HTRA1: variants seen among roughly 807,000 people sequenced by gnomAD.
HTRA1 encodes the protein serine protease HTRA1.
HTRA1 carries 26 observed loss-of-function variants against 49.7 expected under a neutral mutation model. That is an observed-to-expected ratio of 0.52 (90% CI 0.38 to 0.73). The LOEUF (loss-of-function observed/expected upper bound fraction) is 0.73, where lower values mean the gene tolerates loss of function less well. Among genes scored for constraint, HTRA1 ranks in the 30% least tolerant of loss-of-function variants. HTRA1 has a pLI of 0.00. For synonymous variants in HTRA1, 291 were observed against 286.9 expected, an observed-to-expected ratio of 1.01 and a Z score of -0.14; for missense variants, 561 against 667.2, an observed-to-expected ratio of 0.84 and a Z score of 1.75.
intron 1 of HTRA1, among the ~76,000 whole-genome samples, chr10:122,463,327 C>A (rs759196166): frequency 6.6e-6 from 1 of 152,160 alleles, no homozygotes; most frequent in Non-Finnish European, 1.5e-5. Flanking sequence ...GGAGCACAGC[C>A]CTCGGGAAAC....
intron 3 of HTRA1, among the ~76,000 whole-genome samples, chr10:122,498,692 C>T (rs925245711): frequency 1.3e-5 from 2 of 152,246 alleles, no homozygotes; most frequent in African/African-American, 2.4e-5. Flanking sequence ...GGTCCACCAC[C>T]TCCCTGTCTG....
In HTRA1 at chr10:122,480,348, G is replaced by A. The variant is rs2097490456; in HGVS notation, c.473-8554G>A. 2.0e-5 allele frequency among the ~76,000 whole-genome samples: 3 copies of A among 152,180 alleles called. No homozygotes were observed. The South Asian group carries it at 6.3e-4, about 32-fold the overall frequency. The stretch of plus-strand genomic sequence containing the variant: ...CAGTTGCCACATCAGGGCGGGCGAG[G>A]GCAGGAAGCTCTGCAGGGAGAAGGG... On this transcript the variant is annotated intron_variant, in intron 1 of 8. Coordinates refer to ENST00000368984, the MANE Select transcript of HTRA1 (RefSeq NM_002775.5).
At chr10:122,488,121 C>T (rs1185511655) in intron 1 of HTRA1, among the ~76,000 whole-genome samples, 1 of 152,044 alleles carries the variant, frequency 6.6e-6, no homozygotes, top group Non-Finnish European at 1.5e-5. Context: ...CGTGTTTCTT[C>T]GTAATAATCT....
At position 122,509,024 on chromosome 10, in the gene HTRA1, G is replaced by C. The variant is rs2736925; in HGVS notation, c.1120+254G>C. On this transcript the variant is annotated intron_variant, in intron 6 of 8. Transcript: ENST00000368984. ...TACCAGGCATGATCCTAGGTGACTT[G>C]TGTACATTATTTCACTTTCTTTATG... Among the ~76,000 whole-genome samples the C allele has an allele frequency of 0.93, 142,145 of 152,288 alleles. 66,395 individuals are homozygous for C. The highest frequency in any genetic ancestry group is 1 in the East Asian group (5,179 of 5,184).
At chr10:122,510,009 C>A in intron 6 of HTRA1, 87 bp from the exon 7 acceptor site, 6 of 1,144,224 alleles carry the variant, frequency 5.2e-6, no homozygotes, top group Non-Finnish European at 6.6e-6. Context: ...TTCCTGCAAC[C>A]TGGGGGATTG....
chr10:122,473,423 G>T (rs923055535), intron 1 of HTRA1, among the ~76,000 whole-genome samples: 3 of 152,192 alleles, frequency 2.0e-5, no homozygotes, highest in African/African-American at 7.2e-5. Context: ...AGGCCAGACT[G>T]ATTTGGTCTG....
At position 122,494,715 on chromosome 10, in the gene HTRA1, G is replaced by A. The variant is rs1356519251; in HGVS notation, c.777+5089G>A. The stretch of plus-strand genomic sequence containing the variant: ...CAGACCTGTTTGAAGTGGCCACAGA[G>A]GGAGCCCTCTGGGCGCTGGGGCCGC... On this transcript the variant is annotated intron_variant, in intron 3 of 8. Transcript: ENST00000368984. The surrounding 1 kb of genome is among the most constrained non-coding windows in gnomAD (Gnocchi z 4.0). Among the ~76,000 whole-genome samples the A allele has an allele frequency of 1.3e-5, 2 of 152,144 alleles. No homozygotes were observed. The highest frequency in any genetic ancestry group is 4.8e-5 in the African/African-American group (2 of 41,448).
At chr10:122,507,559 T>C (rs942021001) in intron 5 of HTRA1, among the ~76,000 whole-genome samples, 157 bp downstream of exon 5, 2 of 152,220 alleles carry the variant, frequency 1.3e-5, no homozygotes, top group African/African-American at 4.8e-5. Context: ...AATGGCTCTG[T>C]AAATGTACTG....
intron 1 of HTRA1, among the ~76,000 whole-genome samples, chr10:122,486,116 G>C (rs934060407): frequency 6.6e-6 from 1 of 152,186 alleles, no homozygotes. Flanking sequence ...GTGAGAAGCT[G>C]TAGATCTGGT....
chr10:122,500,061 T>G (rs12359139), intron 3 of HTRA1, among the ~76,000 whole-genome samples: 4,854 of 150,730 alleles, frequency 0.032, 225 homozygotes, highest in Admixed American at 0.14. Flanking sequence ...ATGTTATTGG[T>G]TTTTTTTTAT....
chr10:122,476,403 T>C (rs966357339), intron 1 of HTRA1, among the ~76,000 whole-genome samples: 1 of 152,218 alleles, frequency 6.6e-6, no homozygotes, highest in Non-Finnish European at 1.5e-5. Flanking sequence ...GTTAACCACC[T>C]GCCTCCATCT....
At position 122,488,906 on chromosome 10, in the gene HTRA1, G is replaced by A. The variant is rs752018332; in HGVS notation, c.477G>A (p.Gln159=). 11 of 1,613,626 alleles carry A rather than the reference G, an allele frequency of 6.8e-6. No homozygotes were observed. The highest frequency in any genetic ancestry group is 9.3e-6 in the Non-Finnish European group (11 of 1,179,482). Residue 159 remains glutamine, a synonymous_variant, in exon 2 of 9, where the codon CAG becomes CAA. Transcript: ENST00000368984. ...VLQRGACGQG[Q]EDPNSLRHKY... is the part of the protein sequence containing the mutation. ...ATTCTTTGCTTTTGTTCTCAGGGCA[G>A]GAAGATCCCAACAGTTTGCGCCATA...
chr10:122,489,717 C>A, intron 3 of HTRA1, 91 bp downstream of exon 3: 2 of 1,226,134 alleles, frequency 1.6e-6, no homozygotes, highest in Non-Finnish European at 2.3e-6. Context: ...GCAGCTGATT[C>A]TCGGGGGGCA....
At chr10:122,507,463 G>C (rs1435223077) in intron 5 of HTRA1, 61 bp downstream of exon 5, 2 of 1,210,226 alleles carry the variant, frequency 1.7e-6, no homozygotes, top group African/African-American at 3.8e-5. Flanking sequence ...GCTGTTTTTT[G>C]TTTGTTTGTT....
At chr10:122,503,161 C>A (rs1161824305) in intron 3 of HTRA1, among the ~76,000 whole-genome samples, 1 of 152,184 alleles carries the variant, frequency 6.6e-6, no homozygotes. Context: ...AGTGCAGAGG[C>A]CTTGGACTCA....
intron 3 of HTRA1, among the ~76,000 whole-genome samples, chr10:122,503,938 T>A (rs2097501972): frequency 6.6e-6 from 1 of 152,206 alleles, no homozygotes; most frequent in African/African-American, 2.4e-5. Context: ...GTAGCCACAT[T>A]TCCTCGTCTG....
In HTRA1 at chr10:122,508,114, T is replaced by A. The variant is rs111685064; in HGVS notation, c.1006-542T>A. 6.8e-3 allele frequency among the ~76,000 whole-genome samples: 1,035 copies of A among 152,244 alleles called. 13 individuals are homozygous for A. Among genetic ancestry groups the A allele is most frequent in the African/African-American group, 0.024 (991 of 41,546 alleles). ...CTGACATCTCAGCACTCCTGGGAAGTGTGCACTTGGCAGCTTTCTCTTCCC... is the reference window on the plus strand; with the variant it reads ...CTGACATCTCAGCACTCCTGGGAAGAGTGCACTTGGCAGCTTTCTCTTCCC... On this transcript the variant is annotated intron_variant, in intron 5 of 8. Transcript: ENST00000368984.
At chr10:122,485,734 C>G (rs1410469892) in intron 1 of HTRA1, among the ~76,000 whole-genome samples, 1 of 152,116 alleles carries the variant, frequency 6.6e-6, no homozygotes, top group Non-Finnish European at 1.5e-5. Flanking sequence ...TCATTTTTGC[C>G]CCTGGTGTGG....
At chr10:122,510,034 G>A in intron 6 of HTRA1, 62 bp from the exon 7 acceptor site, 1 of 1,439,550 alleles carries the variant, frequency 6.9e-7, no homozygotes, top group Non-Finnish European at 9.8e-7. Flanking sequence ...CCCGGCCCCT[G>A]GTGTCCCCAG....
Sources: gnomAD v4.1 joint callset for allele counts (sites outside exome capture counted in the v4.1 genomes callset) on GRCh38, gnomAD v4.1.1 for gene constraint, Gnocchi (gnomAD v3.1) non-coding constraint, MANE v1.5 for transcripts, NCBI Gene and HGNC (gene_info 2026-07-23, HGNC 2026-07-21) for gene names.